HEPHL1: variants seen among roughly 807,000 people sequenced by gnomAD.
The protein encoded by HEPHL1 is ferroxidase HEPHL1.
HEPHL1 carries 123 observed loss-of-function variants against 122.0 expected under a neutral mutation model. The ratio of observed to expected loss-of-function variants is 1.01; its 90% CI spans 0.87 to 1.17. The LOEUF (loss-of-function observed/expected upper bound fraction) is 1.17. Ranked by LOEUF, HEPHL1 falls within the 50% of genes most tolerant of loss-of-function variation. HEPHL1 has a pLI of 0.00. For synonymous variants in HEPHL1, 527 were observed against 508.9 expected, an observed-to-expected ratio of 1.04 and a Z score of -0.48; for missense variants, 1,452 against 1,430.5, an observed-to-expected ratio of 1.01 and a Z score of -0.24.
chr11:94,079,079 C>T (rs1946148868), intron 9 of HEPHL1, among the ~76,000 whole-genome samples: 1 of 152,182 alleles, frequency 6.6e-6, no homozygotes, highest in South Asian at 2.1e-4. Flanking sequence ...CATTCTTCTA[C>T]TATGGATGAT....
chr11:94,093,927 A>G (rs952443261), intron 13 of HEPHL1, among the ~76,000 whole-genome samples: 3 of 138,918 alleles, frequency 2.2e-5, no homozygotes, highest in African/African-American at 8.0e-5. Context: ...CTTCTTTCCA[A>G]CCCCTATACT....
intron 6 of HEPHL1, 40 bp downstream of exon 6, chr11:94,070,582 A>T: frequency 6.6e-7 from 1 of 1,522,462 alleles, no homozygotes; most frequent in South Asian, 1.2e-5. Context: ...CTCTCGTCAG[A>T]GAAGCATGTG....
At chr11:94,065,226 A>G (rs1407790980) in intron 4 of HEPHL1, among the ~76,000 whole-genome samples, 1 of 152,204 alleles carries the variant, frequency 6.6e-6, no homozygotes, top group Non-Finnish European at 1.5e-5. Flanking sequence ...ATTCATTGAC[A>G]TATCTTCTCC....
chr11:94,104,806 G>T, intron 16 of HEPHL1, 56 bp downstream of exon 16: 1 of 1,321,136 alleles, frequency 7.6e-7, no homozygotes, highest in Non-Finnish European at 1.1e-6. Context: ...AGGAATTCCT[G>T]TAAATGTAGG....
At position 94,063,514 on chromosome 11, in the gene HEPHL1, T is replaced by A; in HGVS notation, c.422T>A (p.Leu141Gln). ...VFYNKDSEGA[L>Q]YPDGTSGRNK... Reference sequence around the variant, plus strand: ...TAATTTTATTTTTTGGAAGGAGCCCTATACCCAGATGGAACATCTGGAAGG... The same window carrying A: ...TAATTTTATTTTTTGGAAGGAGCCCAATACCCAGATGGAACATCTGGAAGG... Residue 141 changes from leucine to glutamine, a missense_variant, in exon 3 of 20, where the codon CTA (leucine) becomes CAA (glutamine). Physicochemically the swap from Leu to Gln is moderately radical, Grantham distance 113 (BLOSUM62 -2). Transcript: ENST00000315765. The A allele has an allele frequency of 1.2e-6, 2 of 1,603,940 alleles. No individual in the cohort carries two copies. The highest frequency in any genetic ancestry group is 1.1e-5 in the South Asian group (1 of 90,004).
intron 1 of HEPHL1, among the ~76,000 whole-genome samples, chr11:94,029,806 G>C (rs928493774): frequency 1.3e-5 from 2 of 152,168 alleles, no homozygotes; most frequent in African/African-American, 4.8e-5. Context: ...AGTCCCTACA[G>C]GGACTCAGCA....
chr11:94,073,229 G>C, intron 7 of HEPHL1, 65 bp downstream of exon 7: 1 of 1,607,208 alleles, frequency 6.2e-7, no homozygotes, highest in Non-Finnish European at 8.5e-7. Flanking sequence ...ATGTACATCT[G>C]CACAGAATGA....
At chr11:94,048,206 A>G (rs1005092554) in intron 2 of HEPHL1, among the ~76,000 whole-genome samples, 20 of 152,286 alleles carry the variant, frequency 1.3e-4, no homozygotes, top group African/African-American at 4.3e-4. Flanking sequence ...GCATGTATAT[A>G]CCACACTTTG....
chr11:94,089,170 C>T (rs1459897208), intron 12 of HEPHL1, among the ~76,000 whole-genome samples: 1 of 152,156 alleles, frequency 6.6e-6, no homozygotes, highest in African/African-American at 2.4e-5. Flanking sequence ...AGGCCCTCGG[C>T]GGGCTCTGCT....
At position 94,059,280 on chromosome 11, in the gene HEPHL1, T is replaced by C. The variant is rs951581722; in HGVS notation, c.416-4228T>C. Among the ~76,000 whole-genome samples the C allele has an allele frequency of 2.6e-5, 4 of 152,200 alleles. No individual in the cohort carries two copies. The East Asian group carries it at 7.7e-4, about 29-fold the overall frequency. On this transcript the variant is annotated intron_variant, in intron 2 of 19. Transcript: ENST00000315765. ...TGCAATATCCCACCATATGAACATA[T>C]CAGTTCAGTGCTGATAATTATTTAG...
At chr11:94,110,213 G>A (rs894639766) in intron 17 of HEPHL1, among the ~76,000 whole-genome samples, 1 of 151,918 alleles carries the variant, frequency 6.6e-6, no homozygotes, top group South Asian at 2.1e-4. Flanking sequence ...CTTTTCCCTT[G>A]GTTAGTCTGT....
intron 1 of HEPHL1, among the ~76,000 whole-genome samples, 192 bp downstream of exon 1, chr11:94,021,730 T>C (rs1162488963): frequency 6.6e-6 from 1 of 152,222 alleles, no homozygotes; most frequent in Non-Finnish European, 1.5e-5. Context: ...CATAGCTCCA[T>C]GTATTTGTTG....
Position 94,070,525 on chromosome 11 carries a change from T to C in HEPHL1, c.1215T>C (p.Pro405=), listed in dbSNP as rs762689705. ...PQGYNKFSGL[P]LNASGSDSDL... ...GCTATAACAAATTCAGTGGTCTTCC[T>C]CTAAACGCCTCTGGCAGGTAAGCAC... Residue 405 remains proline, a synonymous_variant, in exon 6 of 20, where the codon CCT becomes CCC. Coordinates refer to ENST00000315765, the MANE Select transcript of HEPHL1 (RefSeq NM_001098672.2). 2 of 1,610,192 alleles carry C rather than the reference T, an allele frequency of 1.2e-6. No individual in the cohort carries two copies. The highest frequency in any genetic ancestry group is 8.5e-7 in the Non-Finnish European group (1 of 1,178,062).
At chr11:94,051,671 T>C (rs1205988649) in intron 2 of HEPHL1, among the ~76,000 whole-genome samples, 2 of 152,150 alleles carry the variant, frequency 1.3e-5, no homozygotes, top group Admixed American at 6.6e-5. Context: ...ACTTGTGCCT[T>C]GGTTGCCTGG....
At chr11:94,102,104 G>A (rs542541059) in intron 14 of HEPHL1, among the ~76,000 whole-genome samples, 25 of 152,190 alleles carry the variant, frequency 1.6e-4, no homozygotes, top group African/African-American at 6.0e-4. Flanking sequence ...TATAGGTATG[G>A]CACTGTCTGT....
In HEPHL1 at chr11:94,036,838, C is replaced by CAAA. The variant is rs71305380; in HGVS notation, c.171-8818_171-8816dup. On this transcript the variant is annotated intron_variant, in intron 1 of 19. Transcript: ENST00000315765. ...TGGGCAACAGAGCAAGACTCCGTCT[C>CAAA]AAAAAAAAAAAAAAAAAAAGGGAGG... 2.6e-3 allele frequency among the ~76,000 whole-genome samples: 274 copies of CAAA among 103,724 alleles called. 10 individuals are homozygous for CAAA. Among genetic ancestry groups the CAAA allele is most frequent in the African/African-American group, 6.4e-3 (177 of 27,488 alleles). The allele number at this position is 103,724 out of a possible 152,430, so 68.0% of individuals were successfully genotyped here.
chr11:94,030,530 G>A (rs1298812466), intron 1 of HEPHL1, among the ~76,000 whole-genome samples: 1 of 152,162 alleles, frequency 6.6e-6, no homozygotes, highest in Non-Finnish European at 1.5e-5. Flanking sequence ...CAAGATGGCT[G>A]CTGGAGCTCC....
At chr11:94,086,853 G>A (rs1038044285) in intron 11 of HEPHL1, among the ~76,000 whole-genome samples, 20 of 152,218 alleles carry the variant, frequency 1.3e-4, no homozygotes, top group Admixed American at 1.2e-3. Flanking sequence ...GCTAATCACT[G>A]CATGAAAAGT....
intron 13 of HEPHL1, among the ~76,000 whole-genome samples, chr11:94,097,285 A>T (rs1443516357): frequency 6.6e-6 from 1 of 152,220 alleles, no homozygotes; most frequent in Non-Finnish European, 1.5e-5. Flanking sequence ...CCCAGTAGTC[A>T]TTCAGGAGCA....
Sources: allele counts gnomAD v4.1 joint callset (sites outside exome capture counted in the v4.1 genomes callset), GRCh38; gene constraint gnomAD v4.1.1; transcripts MANE v1.5; gene names NCBI Gene and HGNC (gene_info 2026-07-23, HGNC 2026-07-21).